The following MED12L variants were observed in gnomAD, a reference collection of about 807,000 sequenced individuals.
The protein encoded by MED12L is mediator complex subunit 12L.
Under a neutral mutation model 281.3 loss-of-function variants are expected in MED12L, and 60 were observed. The ratio of observed to expected loss-of-function variants is 0.21; its 90% CI spans 0.17 to 0.26. The LOEUF (loss-of-function observed/expected upper bound fraction) is 0.26, where lower values mean the gene tolerates loss of function less well. MED12L is among the 10% of genes least tolerant of loss of function. MED12L has a pLI of 1.00. For missense variants in MED12L, 2,146 were observed against 2,680.9 expected (o/e 0.80, Z 4.41); for synonymous variants, 974 against 987.2 (o/e 0.99, Z 0.25).
At chr3:151,292,853 A>G (rs1744455033) in intron 16 of MED12L, among the ~76,000 whole-genome samples, 1 of 152,234 alleles carries the variant, frequency 6.6e-6, no homozygotes, top group Admixed American at 6.5e-5. Context: ...GAAAGTGGAG[A>G]AAAGAATTGG....
At chr3:151,212,108 A>T (rs922256656) in intron 16 of MED12L, 1 of 152,262 alleles carries the variant, frequency 6.6e-6, no homozygotes, top group Non-Finnish European at 1.5e-5. Flanking sequence ...ATTATTAAGA[A>T]AAAATAGACA....
At chr3:151,289,840 G>T (rs1744014991) in intron 16 of MED12L, among the ~76,000 whole-genome samples, 1 of 152,018 alleles carries the variant, frequency 6.6e-6, no homozygotes, top group Non-Finnish European at 1.5e-5. Context: ...AGTTGCTGGG[G>T]AGTCTGCCCA....
At chr3:151,248,170 G>A (rs1032523825) in intron 16 of MED12L, among the ~76,000 whole-genome samples, 2 of 151,812 alleles carry the variant, frequency 1.3e-5, no homozygotes, top group South Asian at 2.1e-4. Flanking sequence ...AATGTTTAAC[G>A]CTCAGAGGAA....
chr3:151,101,390 T>C (rs976537773), intron 2 of MED12L, among the ~76,000 whole-genome samples: 1 of 152,116 alleles, frequency 6.6e-6, no homozygotes, highest in Non-Finnish European at 1.5e-5. Context: ...ATGAAGAAAC[T>C]GAGGCACAGA....
chr3:151,393,381 A>G (rs1199541199), intron 38 of MED12L, among the ~76,000 whole-genome samples: 7 of 152,154 alleles, frequency 4.6e-5, no homozygotes, highest in East Asian at 3.8e-4. Flanking sequence ...GGTTTAGTCA[A>G]TTACGGTGTT....
intron 2 of MED12L, among the ~76,000 whole-genome samples, chr3:151,110,619 T>C (rs1711720897): frequency 6.6e-6 from 1 of 152,252 alleles, no homozygotes. Context: ...TCTAGGTCCC[T>C]GACCTAAAGT....
At chr3:151,132,910 A>G (rs1715605513) in intron 5 of MED12L, among the ~76,000 whole-genome samples, 1 of 152,248 alleles carries the variant, frequency 6.6e-6, no homozygotes, top group African/African-American at 2.4e-5. Flanking sequence ...AGCAAGTTTC[A>G]CACTCCTAGC....
chr3:151,399,065 T>G (rs910577946), intron 39 of MED12L, among the ~76,000 whole-genome samples: 7 of 152,182 alleles, frequency 4.6e-5, no homozygotes, highest in Non-Finnish European at 8.8e-5. Context: ...AAGAACTATT[T>G]CTATTTCTTA....
At chr3:151,319,480 T>C (rs942616238) in intron 16 of MED12L, among the ~76,000 whole-genome samples, 8 of 132,760 alleles carry the variant, frequency 6.0e-5, no homozygotes, top group African/African-American at 2.4e-4. Flanking sequence ...TGTGTGTGTG[T>C]GTGTGTGTGT....
chr3:151,425,982 C>A (rs1718834843), intron 43 of MED12L, among the ~76,000 whole-genome samples: 1 of 152,160 alleles, frequency 6.6e-6, no homozygotes, highest in African/African-American at 2.4e-5. Flanking sequence ...GAGAGATCAT[C>A]TTCTGTATGG....
chr3:151,250,871 T>TAC (rs1736721129), intron 16 of MED12L, among the ~76,000 whole-genome samples: 2 of 152,222 alleles, frequency 1.3e-5, no homozygotes, highest in African/African-American at 4.8e-5. Flanking sequence ...TGAACCATCT[T>TAC]ACGTTCCCAC....
rs1717048961 is a variant in MED12L, at chr3:151,141,645, C to T, written c.556+13661C>T. Among the ~76,000 whole-genome samples, 3 of 152,124 alleles carry T rather than the reference C, an allele frequency of 2.0e-5. No homozygotes were observed. The South Asian group carries it at 6.2e-4, about 32-fold the overall frequency. ...TGAGCTATGCCTTAAAGAAATCTAG[C>T]CTTTAAGTAAGAATTGGGATTTTTT... On this transcript the variant is annotated intron_variant, in intron 5 of 44. Transcript: ENST00000687756.
At chr3:151,122,511 A>T (rs1475577358) in intron 3 of MED12L, among the ~76,000 whole-genome samples, 2 of 152,232 alleles carry the variant, frequency 1.3e-5, no homozygotes, top group Non-Finnish European at 2.9e-5. Flanking sequence ...TTTATTCAGG[A>T]TGTAATTAAT....
At chr3:151,374,051 G>C (rs998564309) in intron 27 of MED12L, among the ~76,000 whole-genome samples, 1 of 152,034 alleles carries the variant, frequency 6.6e-6, no homozygotes, top group Non-Finnish European at 1.5e-5. Context: ...ACCCCACAAA[G>C]TTGTTCTGTG....
rs796227072 is a variant in MED12L at position 151,417,476 on chromosome 3, T to TCCCC, written c.6408+1059_6408+1062dup. Among the ~76,000 whole-genome samples the TCCCC allele has an allele frequency of 7.8e-4, 23 of 29,504 alleles. 1 individual carries two copies. The highest frequency in any genetic ancestry group is 2.2e-3 in the African/African-American group (22 of 10,022). 19.4% of individuals were successfully genotyped at this position (29,504 alleles called of 152,430 possible). A position where few individuals can be genotyped will look rare whatever the true frequency, so the allele number is the denominator to read the frequency against. On this transcript the variant is annotated intron_variant, in intron 43 of 44. Coordinates refer to ENST00000687756, the MANE Select transcript of MED12L (RefSeq NM_001393769.1). Reference sequence around the variant, plus strand: ...AGCCAGTTTGTTCCGCTCCCCCAGCTCCCCCCCCGCCTTTTTTTTTTTTTT... The same window carrying TCCCC: ...AGCCAGTTTGTTCCGCTCCCCCAGCTCCCCCCCCCCCCGCCTTTTTTTTTTTTTT...
chr3:151,425,931 A>T (rs1425750292), intron 43 of MED12L, among the ~76,000 whole-genome samples: 1 of 152,230 alleles, frequency 6.6e-6, no homozygotes, highest in Non-Finnish European at 1.5e-5. Context: ...GAGGAAGTGT[A>T]TTCCAGGAGA....
At position 151,257,067 on chromosome 3, in the gene MED12L, T is replaced by A. The variant is rs149981813; in HGVS notation, c.2250+63401T>A. ...CAGCACGATACAGCTGCTTCTGAGATACAAGAAATGGTGTAGTTTTAAAAA... is the reference window on the plus strand; with the variant it reads ...CAGCACGATACAGCTGCTTCTGAGAAACAAGAAATGGTGTAGTTTTAAAAA... On this transcript the variant is annotated intron_variant, in intron 16 of 44. Coordinates refer to ENST00000687756, the MANE Select transcript of MED12L (RefSeq NM_001393769.1). Among the ~76,000 whole-genome samples the A allele has an allele frequency of 5.1e-3, 778 of 152,290 alleles. 12 individuals carry two copies. The highest frequency in any genetic ancestry group is 0.017 in the African/African-American group (727 of 41,558).
At chr3:151,339,542 A>G (rs942343321) in intron 16 of MED12L, among the ~76,000 whole-genome samples, 1 of 152,080 alleles carries the variant, frequency 6.6e-6, no homozygotes, top group Non-Finnish European at 1.5e-5. Flanking sequence ...TCTGCTTCAA[A>G]TATTTTAACC....
intron 26 of MED12L, among the ~76,000 whole-genome samples, chr3:151,371,674 A>G (rs1756206450): frequency 6.6e-6 from 1 of 152,188 alleles, no homozygotes; most frequent in South Asian, 2.1e-4. Flanking sequence ...GCCTACTGTA[A>G]AAGCATTTGT....
Sources: gnomAD v4.1 joint callset for allele counts (sites outside exome capture counted in the v4.1 genomes callset) on GRCh38, gnomAD v4.1.1 for gene constraint, MANE v1.5 for transcripts, NCBI Gene and HGNC (gene_info 2026-07-23, HGNC 2026-07-21) for gene names.